The following ETV1 variants were observed in gnomAD, a reference collection of about 807,000 sequenced individuals.
ETV1 encodes the protein ETS translocation variant 1.
ETV1 carries 27 observed loss-of-function variants against 62.3 expected under a neutral mutation model. That is an observed-to-expected ratio of 0.43 (90% CI 0.32 to 0.60). The LOEUF is 0.60. ETV1 is among the 20% of genes least tolerant of loss of function. ETV1 has a pLI of 0.06. For synonymous variants in ETV1, 222 were observed against 199.6 expected (o/e 1.11, Z -0.94); for missense variants, 605 against 605.8 (o/e 1.00, Z 0.01).
At chr7:13,987,053 T>C (rs1397682839) in intron 4 of ETV1, 1 of 195,340 alleles carries the variant, frequency 5.1e-6, no homozygotes, top group Non-Finnish European at 1.0e-5. Flanking sequence ...GCTAAAATAG[T>C]AGTAGGGGGA....
intron 5 of ETV1, chr7:13,985,627 A>C (rs1289499298): frequency 6.2e-6 from 1 of 160,188 alleles, no homozygotes; most frequent in Non-Finnish European, 1.4e-5. Context: ...AATCTGTTCC[A>C]AAATTTGCAT....
At chr7:13,988,548 C>T in intron 3 of ETV1, 2 of 543,778 alleles carry the variant, frequency 3.7e-6, no homozygotes, top group Non-Finnish European at 5.9e-6. Context: ...AGCCCCTCCT[C>T]CCCACCCCAC....
intron 6 of ETV1, among the ~76,000 whole-genome samples, chr7:13,960,398 G>C (rs1359993344): frequency 6.6e-6 from 1 of 152,104 alleles, no homozygotes; most frequent in Non-Finnish European, 1.5e-5. Flanking sequence ...GAGCTACTGA[G>C]TTATTCAATA....
At chr7:13,907,515 G>A (rs1306660882) in intron 11 of ETV1, among the ~76,000 whole-genome samples, 2 of 151,542 alleles carry the variant, frequency 1.3e-5, no homozygotes, top group Non-Finnish European at 2.9e-5. Context: ...AATGCTTCTG[G>A]TATAAATCTG....
At chr7:13,928,994 T>C (rs1461898160) in intron 9 of ETV1, among the ~76,000 whole-genome samples, 1 of 152,228 alleles carries the variant, frequency 6.6e-6, no homozygotes, top group Admixed American at 6.5e-5. Flanking sequence ...AAAGAAATAT[T>C]TTAAGTGCTA....
At chr7:13,963,144 A>G (rs1213290148) in intron 6 of ETV1, among the ~76,000 whole-genome samples, 2 of 152,200 alleles carry the variant, frequency 1.3e-5, no homozygotes, top group African/African-American at 4.8e-5. Context: ...CAAATGAGAT[A>G]CAGGATGTGA....
rs551952349 is a variant in ETV1, at chr7:13,954,810, C to G, written c.236-15564G>C. 6.1e-4 allele frequency among the ~76,000 whole-genome samples: 93 copies of G among 152,258 alleles called. 1 individual carries two copies. The South Asian group carries it at 0.019, about 31-fold the overall frequency. ...TCAGACATCACTAGTCACTTGGCTC[C>G]TTGTTCAAAACAACCCCATTGGTAG... On this transcript the variant is annotated intron_variant, in intron 6 of 13. Transcript: ENST00000430479.
At chr7:13,903,907 T>C (rs1056458710) in intron 12 of ETV1, among the ~76,000 whole-genome samples, 3 of 152,134 alleles carry the variant, frequency 2.0e-5, no homozygotes, top group Admixed American at 6.5e-5. Context: ...CTAAACACAC[T>C]GAGCAGATAA....
intron 13 of ETV1, among the ~76,000 whole-genome samples, chr7:13,896,780 G>GAA (rs1443750771): frequency 6.6e-6 from 1 of 150,614 alleles, no homozygotes; most frequent in African/African-American, 2.5e-5. Flanking sequence ...AAGAAAGAAA[G>GAA]AAAGAAAGAA....
chr7:13,950,941 C>G (rs73276824), intron 6 of ETV1, among the ~76,000 whole-genome samples: 1 of 147,108 alleles, frequency 6.8e-6, no homozygotes, highest in African/African-American at 2.5e-5. Flanking sequence ...CACACACACA[C>G]AATATCGAGC....
At chr7:13,936,399 T>C (rs1786808850) in intron 7 of ETV1, among the ~76,000 whole-genome samples, 1 of 152,226 alleles carries the variant, frequency 6.6e-6, no homozygotes. Flanking sequence ...TTTTACTTTA[T>C]TTTCATTTTA....
chr7:13,940,292 G>A (rs192930075), intron 6 of ETV1, among the ~76,000 whole-genome samples: 129 of 151,148 alleles, frequency 8.5e-4, no homozygotes, highest in Middle Eastern at 3.4e-3. Context: ...AACCCAGAAG[G>A]TGGAGGTTGC....
At chr7:13,958,154 G>C (rs561221713) in intron 6 of ETV1, among the ~76,000 whole-genome samples, 1 of 152,162 alleles carries the variant, frequency 6.6e-6, no homozygotes, top group Admixed American at 6.5e-5. Flanking sequence ...TTTAAATATG[G>C]TTAACTAGAA....
intron 6 of ETV1, among the ~76,000 whole-genome samples, chr7:13,941,112 C>T (rs934797729): frequency 1.3e-5 from 2 of 152,128 alleles, no homozygotes; most frequent in African/African-American, 2.4e-5. Flanking sequence ...CAAGAATACT[C>T]ATGTGCATTA....
chr7:13,918,142 G>C (rs952664199), intron 9 of ETV1, among the ~76,000 whole-genome samples: 1 of 151,962 alleles, frequency 6.6e-6, no homozygotes, highest in Non-Finnish European at 1.5e-5. Flanking sequence ...TTGTCCTCTT[G>C]TTTTCATCTC....
chr7:13,947,173 G>A (rs533741082), intron 6 of ETV1, among the ~76,000 whole-genome samples: 1 of 152,272 alleles, frequency 6.6e-6, no homozygotes, highest in South Asian at 2.1e-4. Context: ...AACAGATAAT[G>A]TTTGTTACAA....
chr7:13,986,120 C>G, intron 5 of ETV1: 1 of 1,583,648 alleles, frequency 6.3e-7, no homozygotes, highest in South Asian at 1.2e-5. Context: ...ACACACCTAA[C>G]GTTCTGTGTT....
rs1202381490 is a variant in ETV1 at position 13,977,547 on chromosome 7, G to A, written c.182-67C>T. The A allele has an allele frequency of 9.4e-6, 10 of 1,067,274 alleles. No homozygotes were observed. The East Asian group carries it at 2.6e-4, about 28-fold the overall frequency. The allele number at this position is 1,067,274 out of a possible 1,614,324, so 66.1% of individuals were successfully genotyped here. Reference sequence around the variant, plus strand: ...CTGCCAAAAGCATAAGGAATGTCAAGTAAAATCTGTCAAGTAAGATCTTCT... The same window carrying A: ...CTGCCAAAAGCATAAGGAATGTCAAATAAAATCTGTCAAGTAAGATCTTCT... On this transcript the variant is annotated intron_variant, in intron 5 of 13. Coordinates refer to ENST00000430479, the MANE Select transcript of ETV1 (RefSeq NM_004956.5).
chr7:13,952,060 A>C (rs939055387), intron 6 of ETV1, among the ~76,000 whole-genome samples: 8 of 152,318 alleles, frequency 5.3e-5, no homozygotes, highest in African/African-American at 1.7e-4. Context: ...TAAATAAATA[A>C]ATAAATAAAC....
Sources: allele counts gnomAD v4.1 joint callset (sites outside exome capture counted in the v4.1 genomes callset), GRCh38; gene constraint gnomAD v4.1.1; transcripts MANE v1.5; gene names NCBI Gene and HGNC (gene_info 2026-07-23, HGNC 2026-07-21).